Variants in FBXL13 observed in about 807,000 individuals in gnomAD.
The protein encoded by FBXL13 is F-box and leucine rich repeat protein 13.
A neutral mutation model predicts 83.6 loss-of-function variants in FBXL13; 67 were observed. The ratio of observed to expected loss-of-function variants is 0.80; its 90% CI spans 0.66 to 0.98. The LOEUF is 0.98. Ranked by LOEUF, FBXL13 falls within the 50% of genes least tolerant of loss-of-function variation. The pLI, the probability that FBXL13 is intolerant of heterozygous loss-of-function variation, is 0.00. For synonymous variants in FBXL13, 272 were observed against 299.5 expected (o/e 0.91, Z 0.95); for missense variants, 822 against 866.5 (o/e 0.95, Z 0.64).
chr7:102,842,394 C>T (rs939178574), intron 17 of FBXL13, among the ~76,000 whole-genome samples: 7 of 152,348 alleles, frequency 4.6e-5, no homozygotes, highest in African/African-American at 1.7e-4. Context: ...GGAGCCAACA[C>T]ATCTAATCCA....
At chr7:102,935,037 C>G (rs1415629455) in intron 8 of FBXL13, among the ~76,000 whole-genome samples, 1 of 152,074 alleles carries the variant, frequency 6.6e-6, no homozygotes, top group Non-Finnish European at 1.5e-5. Flanking sequence ...CAAATGCCAT[C>G]TATATAACCT....
intron 6 of FBXL13, among the ~76,000 whole-genome samples, chr7:103,020,712 A>G (rs1226589821): frequency 6.6e-6 from 1 of 152,248 alleles, no homozygotes; most frequent in Non-Finnish European, 1.5e-5. Context: ...GAGCCAAATC[A>G]TGAGTGAACT....
At chr7:103,070,142 C>A (rs2129505447) in intron 1 of FBXL13, among the ~76,000 whole-genome samples, 1 of 151,352 alleles carries the variant, frequency 6.6e-6, no homozygotes, top group African/African-American at 2.4e-5. Flanking sequence ...CTTGAATTAT[C>A]AACAGAAGAA....
At chr7:102,828,867 A>G (rs146683433) in intron 18 of FBXL13, among the ~76,000 whole-genome samples, 136 of 152,268 alleles carry the variant, frequency 8.9e-4, no homozygotes, top group African/African-American at 3.0e-3. Context: ...ACCTGGCTCA[A>G]TCACCTTCTC....
chr7:102,947,101 T>C (rs1266945299), intron 8 of FBXL13, among the ~76,000 whole-genome samples: 1 of 152,186 alleles, frequency 6.6e-6, no homozygotes, highest in Admixed American at 6.5e-5. Flanking sequence ...CTACTACATT[T>C]CAAATGTTAC....
intron 17 of FBXL13, among the ~76,000 whole-genome samples, chr7:102,841,854 A>G (rs1404979841): frequency 6.6e-6 from 1 of 152,168 alleles, no homozygotes; most frequent in Non-Finnish European, 1.5e-5. Flanking sequence ...CTTGGCATGG[A>G]TAGCCAAGCA....
chr7:102,976,213 T>C lies in FBXL13; in HGVS notation c.496-8096A>G, dbSNP rs1450649181. The C allele has an allele frequency of 5.3e-6, 4 of 755,828 alleles. No homozygotes were observed. In the South Asian group the frequency reaches 5.4e-5, roughly 10 times the overall value. 46.8% of individuals were successfully genotyped at this position (755,828 alleles called of 1,614,324 possible). A position where few individuals can be genotyped will look rare whatever the true frequency, so the allele number is the denominator to read the frequency against. The stretch of plus-strand genomic sequence containing the variant: ...ACCATCGCTTCATCTGAGCCAAGGG[T>C]AACCCTGATGGTGGCAGGTAGGCCA... On this transcript the variant is annotated intron_variant, in intron 6 of 19. Transcript: ENST00000313221.
chr7:103,030,711 G>A lies in FBXL13; in HGVS notation c.1-1293C>T, dbSNP rs759155295. ...ATTATAGTAATAATGATTTTGAAAA[G>A]AATTATTAAAATTCAGCAAATACCA... On this transcript the variant is annotated intron_variant, in intron 2 of 19. Transcript: ENST00000313221. Among the ~76,000 whole-genome samples, 80 of 152,238 alleles carry A rather than the reference G, an allele frequency of 5.3e-4. 1 individual carries two copies. Among genetic ancestry groups the A allele is most frequent in the Admixed American group, 4.1e-3 (62 of 15,284 alleles).
At chr7:102,906,236 T>C (rs10255596) in intron 11 of FBXL13, among the ~76,000 whole-genome samples, 1,797 of 152,302 alleles carry the variant, frequency 0.012, 37 homozygotes, top group African/African-American at 0.041. Context: ...AGCCAAACCA[T>C]ATCACTATGC....
intron 6 of FBXL13, among the ~76,000 whole-genome samples, chr7:103,003,144 C>T (rs1790578039): frequency 6.6e-6 from 1 of 151,938 alleles, no homozygotes; most frequent in African/African-American, 2.4e-5. Context: ...TGTCTTTGAA[C>T]TCACTGATTC....
chr7:102,913,730 T>TAAG (rs1286871284), intron 10 of FBXL13, among the ~76,000 whole-genome samples: 1 of 152,232 alleles, frequency 6.6e-6, no homozygotes, highest in East Asian at 1.9e-4. Flanking sequence ...ATAGATCTGA[T>TAAG]AAGCAAATGA....
upstream of FBXL13, chr7:103,074,589 C>T: frequency 1.6e-6 from 2 of 1,244,926 alleles, no homozygotes; most frequent in South Asian, 1.3e-5. Flanking sequence ...CCCTCCACTC[C>T]TCCCCAATCC....
chr7:102,955,626 T>A (rs1824142418), intron 8 of FBXL13, among the ~76,000 whole-genome samples: 3 of 145,118 alleles, frequency 2.1e-5, no homozygotes. Flanking sequence ...ATCAACAGAA[T>A]TGACAGACTG....
intron 8 of FBXL13, among the ~76,000 whole-genome samples, chr7:102,943,863 A>G (rs1311973756): frequency 6.6e-6 from 1 of 152,188 alleles, no homozygotes; most frequent in Non-Finnish European, 1.5e-5. Context: ...TGTCTTCATG[A>G]CAGGAGGTAG....
chr7:102,824,792 T>C (rs1799348583), intron 18 of FBXL13, among the ~76,000 whole-genome samples: 1 of 150,708 alleles, frequency 6.6e-6, no homozygotes, highest in African/African-American at 2.4e-5. Context: ...GGCCTTTTTT[T>C]TTTTTTTTTT....
In FBXL13 at chr7:103,055,179, C is replaced by G. The variant is rs1363356458; in HGVS notation, c.-1+465G>C. 4.7e-6 allele frequency: 6 copies of G among 1,272,452 alleles called. No homozygotes were observed. The highest frequency in any genetic ancestry group is 6.1e-6 in the Non-Finnish European group (6 of 979,004). The allele number at this position is 1,272,452 out of a possible 1,614,324, so 78.8% of individuals were successfully genotyped here. ...CATTGATGGAGTAATGCACATATCCCTTTAATAACATCATAAAATACAGTC... is the reference window on the plus strand; with the variant it reads ...CATTGATGGAGTAATGCACATATCCGTTTAATAACATCATAAAATACAGTC... On this transcript the variant is annotated intron_variant, in intron 2 of 19. Coordinates refer to ENST00000313221, the Ensembl canonical transcript of FBXL13.
chr7:102,883,870 C>A (rs1023333166), intron 12 of FBXL13, among the ~76,000 whole-genome samples, 185 bp from the exon 14 acceptor site: 1 of 151,972 alleles, frequency 6.6e-6, no homozygotes, highest in Non-Finnish European at 1.5e-5. Context: ...GTGGAGGAAT[C>A]AGAATTAAAT....
chr7:103,008,555 T>C (rs111640371), intron 6 of FBXL13, among the ~76,000 whole-genome samples: 1,897 of 152,244 alleles, frequency 0.012, 39 homozygotes, highest in African/African-American at 0.043. Context: ...TAAAATATAA[T>C]TGACTTTTTT....
intron 17 of FBXL13, among the ~76,000 whole-genome samples, chr7:102,833,971 C>T (rs746295639): frequency 1.4e-4 from 21 of 146,078 alleles, no homozygotes; most frequent in Non-Finnish European, 3.0e-4. Context: ...CAAAAGTAAA[C>T]CTAACCGTAA....
Sources: gnomAD v4.1 joint callset for allele counts (sites outside exome capture counted in the v4.1 genomes callset) on GRCh38, gnomAD v4.1.1 for gene constraint, MANE v1.5 for transcripts, NCBI Gene and HGNC (gene_info 2026-07-23, HGNC 2026-07-21) for gene names.